Variants in EFCAB5 observed in about 807,000 individuals in gnomAD.
EFCAB5 encodes the protein EF-hand calcium-binding domain-containing protein 5.
In EFCAB5, 131 loss-of-function variants were observed where a neutral mutation model predicts 167.9. The ratio of observed to expected loss-of-function variants is 0.78; its 90% confidence interval spans 0.68 to 0.90. EFCAB5 has a LOEUF of 0.90. EFCAB5 is among the 40% of genes least tolerant of loss of function. The pLI is 0.00. For missense variants in EFCAB5, 1,663 were observed against 1,745.2 expected, an observed-to-expected ratio of 0.95 and a Z score of 0.84; for synonymous variants, 574 against 602.8, an observed-to-expected ratio of 0.95 and a Z score of 0.70.
intron 18 of EFCAB5, among the ~76,000 whole-genome samples, chr17:30,083,822 C>A (rs978642306): frequency 2.0e-5 from 3 of 152,280 alleles, no homozygotes; most frequent in African/African-American, 7.2e-5. Flanking sequence ...CAGTAATGGG[C>A]AACACTCACC....
chr17:30,033,666 A>G (rs938892346), intron 7 of EFCAB5, among the ~76,000 whole-genome samples: 24 of 152,200 alleles, frequency 1.6e-4, no homozygotes, highest in African/African-American at 5.8e-4. Context: ...ACTTCTGGGA[A>G]TCTACTCAAC....
intron 1 of EFCAB5, chr17:29,930,258 T>C (rs1449752559): frequency 7.9e-6 from 4 of 507,938 alleles, no homozygotes; most frequent in Non-Finnish European, 1.4e-5. Flanking sequence ...GCGCCACCTG[T>C]CAGCTACCGC....
In EFCAB5 at chr17:29,969,054, C is replaced by T. The variant is rs775532833; in HGVS notation, c.454C>T (p.Pro152Ser). Residue 152 changes from proline (P) to serine (S), a missense_variant, in exon 4 of 23, where the codon CCT (proline) becomes TCT (serine). Physicochemically the swap from Pro to Ser is moderately conservative, Grantham distance 74. Coordinates refer to ENST00000394835, the MANE Select transcript of EFCAB5 (RefSeq NM_198529.4). Reference sequence around the variant, plus strand: ...AGAAAAAAAGGCTGAAAAAAAACTCCCTAGGGATAATTTGGCCAAAGAGTG... The same window carrying T: ...AGAAAAAAAGGCTGAAAAAAAACTCTCTAGGGATAATTTGGCCAAAGAGTG... Reference protein sequence around the residue: ...ELEKKAEKKLPRDNLAKEWFN... With the variant: ...ELEKKAEKKLSRDNLAKEWFN... 1 of 1,608,652 alleles carries T rather than the reference C, an allele frequency of 6.2e-7. No individual in the cohort carries two copies. The highest frequency in any genetic ancestry group is 8.5e-7 in the Non-Finnish European group (1 of 1,177,958).
chr17:30,090,602 A>G lies in EFCAB5; in HGVS notation c.3865A>G (p.Lys1289Glu), dbSNP rs1211058242. 1 of 1,613,976 alleles carries G rather than the reference A, an allele frequency of 6.2e-7. No individual in the cohort carries two copies. Among genetic ancestry groups the G allele is most frequent in the Admixed American group, 1.7e-5 (1 of 60,030 alleles). Reference protein sequence around the residue: ...QEYKDLQKMMKVVQVACYEIL... With the variant: ...QEYKDLQKMMEVVQVACYEIL... ...ATATAAAGATCTACAGAAAATGATG[A>G]AAGTGGTCCAAGTGGCCTGCTATGA... Residue 1289 changes from lysine (K) to glutamate (E), a missense_variant, in exon 20 of 23, where the codon AAA becomes GAA. Coordinates refer to ENST00000394835, the MANE Select transcript of EFCAB5 (RefSeq NM_198529.4).
chr17:29,963,269 T>G (rs1253576794), intron 3 of EFCAB5, among the ~76,000 whole-genome samples: 5 of 152,194 alleles, frequency 3.3e-5, no homozygotes, highest in Non-Finnish European at 7.3e-5. Context: ...TAACTACCTT[T>G]ATTATTTTTA....
At chr17:30,071,991 G>A (rs1311997991) in intron 14 of EFCAB5, among the ~76,000 whole-genome samples, 1 of 152,154 alleles carries the variant, frequency 6.6e-6, no homozygotes, top group African/African-American at 2.4e-5. Context: ...CTAGAGACAG[G>A]GAAGGTTAAG....
intron 14 of EFCAB5, among the ~76,000 whole-genome samples, chr17:30,076,991 T>C (rs888615229): frequency 2.6e-4 from 39 of 152,180 alleles, no homozygotes; most frequent in Non-Finnish European, 3.7e-4. Flanking sequence ...TTTGCTAACC[T>C]TTTTCTAAAG....
At chr17:29,967,189 T>C (rs1396795724) in intron 3 of EFCAB5, among the ~76,000 whole-genome samples, 1 of 152,240 alleles carries the variant, frequency 6.6e-6, no homozygotes, top group Non-Finnish European at 1.5e-5. Context: ...GGGATGATTT[T>C]TCTTAAACAT....
intron 7 of EFCAB5, among the ~76,000 whole-genome samples, chr17:30,025,431 C>T (rs2069291881): frequency 6.6e-6 from 1 of 152,152 alleles, no homozygotes. Flanking sequence ...CTCATCATCA[C>T]TGGCCATCAG....
intron 22 of EFCAB5, among the ~76,000 whole-genome samples, chr17:30,099,884 C>T (rs573316112): frequency 6.6e-6 from 1 of 152,216 alleles, no homozygotes; most frequent in African/African-American, 2.4e-5. Context: ...GTGTTTTTCT[C>T]ACCTTTACAC....
At chr17:29,992,986 G>A (rs1191149861) in intron 4 of EFCAB5, among the ~76,000 whole-genome samples, 179 bp from the exon 5 acceptor site, 1 of 152,170 alleles carries the variant, frequency 6.6e-6, no homozygotes, top group Non-Finnish European at 1.5e-5. Context: ...AGCACTCTGT[G>A]ATTAATGCCA....
At chr17:29,982,370 G>A (rs938827882) in intron 4 of EFCAB5, among the ~76,000 whole-genome samples, 1 of 152,016 alleles carries the variant, frequency 6.6e-6, no homozygotes, top group African/African-American at 2.4e-5. Flanking sequence ...TCCAGCCTAG[G>A]TGACAGAGCA....
At chr17:30,061,704 T>A (rs975354466) in intron 14 of EFCAB5, among the ~76,000 whole-genome samples, 7 of 152,124 alleles carry the variant, frequency 4.6e-5, no homozygotes, top group Non-Finnish European at 1.0e-4. Context: ...GCCTCCCAAG[T>A]AGCTAAGACT....
chr17:30,061,370 C>T (rs571600437), intron 14 of EFCAB5, among the ~76,000 whole-genome samples: 2 of 152,138 alleles, frequency 1.3e-5, no homozygotes, highest in Non-Finnish European at 2.9e-5. Flanking sequence ...TGCCAATAAC[C>T]GATTGGCAAA....
At chr17:29,984,349 G>A (rs1259776851) in intron 4 of EFCAB5, among the ~76,000 whole-genome samples, 6 of 151,650 alleles carry the variant, frequency 4.0e-5, no homozygotes, top group Non-Finnish European at 7.4e-5. Context: ...CAGAACTTTG[G>A]TAGCTGACCG....
intron 6 of EFCAB5, among the ~76,000 whole-genome samples, chr17:29,996,659 A>G (rs2068550575): frequency 6.6e-6 from 1 of 152,206 alleles, no homozygotes. Flanking sequence ...GAAAGATATG[A>G]TGTCATAACT....
chr17:30,029,528 G>A lies in EFCAB5; in HGVS notation c.1045-4702G>A, dbSNP rs1174223461. 2.0e-5 allele frequency among the ~76,000 whole-genome samples: 3 copies of A among 151,558 alleles called. No individual in the cohort carries two copies. In the East Asian group the frequency reaches 5.8e-4, roughly 29 times the overall value. The stretch of plus-strand genomic sequence containing the variant: ...AAATTGTTAAATTGAACCATCATAA[G>A]TCAGGGGCTGTCTGTATATAATTAG... On this transcript the variant is annotated intron_variant, in intron 7 of 22. Coordinates refer to ENST00000394835, the MANE Select transcript of EFCAB5 (RefSeq NM_198529.4).
chr17:30,072,372 G>C (rs772334890), intron 14 of EFCAB5, among the ~76,000 whole-genome samples: 3 of 152,074 alleles, frequency 2.0e-5, no homozygotes, highest in Non-Finnish European at 2.9e-5. Context: ...AAACATTTTG[G>C]TGATACTTTT....
intron 11 of EFCAB5, 37 bp from the exon 12 acceptor site, chr17:30,056,027 A>T (rs747849387): frequency 5.0e-6 from 8 of 1,613,034 alleles, no homozygotes; most frequent in Non-Finnish European, 2.5e-6. Flanking sequence ...GTGAAAGCGA[A>T]GTTTGATTGG....
Sources: gnomAD v4.1 joint callset for allele counts (sites outside exome capture counted in the v4.1 genomes callset) on GRCh38, gnomAD v4.1.1 for gene constraint, MANE v1.5 for transcripts, NCBI Gene and HGNC (gene_info 2026-07-23, HGNC 2026-07-21) for gene names.